Variants in CNTNAP2 observed in about 807,000 individuals in gnomAD.
CNTNAP2 encodes contactin associated protein 2.
Under a neutral mutation model 155.2 loss-of-function variants are expected in CNTNAP2, and 98 were observed. That is an observed-to-expected ratio of 0.63 (90% CI 0.54 to 0.75). CNTNAP2 has a LOEUF of 0.75. CNTNAP2 is among the 30% of genes least tolerant of loss of function. The pLI is 0.00. For synonymous variants in CNTNAP2, 651 were observed against 631.2 expected, an observed-to-expected ratio of 1.03 and a Z score of -0.47; for missense variants, 1,727 against 1,688.1, an observed-to-expected ratio of 1.02 and a Z score of -0.40.
intron 13 of CNTNAP2, among the ~76,000 whole-genome samples, chr7:147,665,420 T>C (rs12672896): frequency 0.14 from 22,001 of 152,252 alleles, 1,792 homozygotes; most frequent in Middle Eastern, 0.29. Context: ...ACTAGAAACA[T>C]TCTTGAATAT....
chr7:146,469,181 C>A (rs897522759), intron 1 of CNTNAP2, among the ~76,000 whole-genome samples: 1 of 152,148 alleles, frequency 6.6e-6, no homozygotes, highest in Admixed American at 6.6e-5. Flanking sequence ...CCTGTCGCCC[C>A]CTTTGGGGTT....
At chr7:146,354,421 T>G (rs556830277) in intron 1 of CNTNAP2, among the ~76,000 whole-genome samples, 1,642 of 150,932 alleles carry the variant, frequency 0.011, 32 homozygotes, top group African/African-American at 0.037. Context: ...ATTTTTTTTT[T>G]TTTTTTTGTT....
chr7:147,872,553 T>G (rs771171247), intron 13 of CNTNAP2, among the ~76,000 whole-genome samples: 39 of 152,240 alleles, frequency 2.6e-4, no homozygotes, highest in Non-Finnish European at 4.7e-4. Context: ...ATAAACATCA[T>G]GATAGATTCC....
chr7:147,719,476 T>A (rs1421893673), intron 13 of CNTNAP2, among the ~76,000 whole-genome samples: 1 of 152,094 alleles, frequency 6.6e-6, no homozygotes, highest in East Asian at 1.9e-4. Flanking sequence ...TCTGCCAGCT[T>A]CTGTACACAG....
intron 15 of CNTNAP2, among the ~76,000 whole-genome samples, chr7:148,008,460 C>T (rs1468367299): frequency 6.6e-6 from 1 of 152,122 alleles, no homozygotes. Flanking sequence ...GTAATTAGAA[C>T]CTGCTTCCTT....
At chr7:147,078,562 A>G (rs1800039749) in intron 4 of CNTNAP2, among the ~76,000 whole-genome samples, 1 of 152,004 alleles carries the variant, frequency 6.6e-6, no homozygotes. Flanking sequence ...TTTATCTCTT[A>G]ACAGACCTTG....
intron 14 of CNTNAP2, among the ~76,000 whole-genome samples, chr7:147,959,006 C>T (rs74719515): frequency 1.1e-4 from 16 of 152,256 alleles, no homozygotes; most frequent in African/African-American, 3.9e-4. Context: ...CAAAAAGGCT[C>T]CACTTTTTAT....
chr7:148,213,221 T>C (rs1795578871), intron 18 of CNTNAP2, among the ~76,000 whole-genome samples: 2 of 152,160 alleles, frequency 1.3e-5, no homozygotes, highest in African/African-American at 2.4e-5. Context: ...CCAGAACCCC[T>C]GAGCTAAATT....
chr7:148,364,911 A>G lies in CNTNAP2; in HGVS notation c.3476-18738A>G, dbSNP rs185172611. On this transcript the variant is annotated intron_variant, in intron 21 of 23. Transcript: ENST00000361727. ...GGTCCACGCTGCTTTTATGAGCTGT[A>G]ACACTCACCGCGAAGGTCTGCAGCT... 2.4e-3 allele frequency among the ~76,000 whole-genome samples: 363 copies of G among 152,286 alleles called. 4 individuals carry two copies. Among genetic ancestry groups the G allele is most frequent in the Non-Finnish European group, 2.3e-3 (155 of 68,028 alleles).
chr7:148,352,780 A>G (rs1798450622), intron 21 of CNTNAP2, among the ~76,000 whole-genome samples: 1 of 152,188 alleles, frequency 6.6e-6, no homozygotes, highest in African/African-American at 2.4e-5. Context: ...CCAGGACTGG[A>G]AGCCGCCACT....
chr7:146,792,115 C>T (rs1802685302), intron 2 of CNTNAP2, among the ~76,000 whole-genome samples: 1 of 152,158 alleles, frequency 6.6e-6, no homozygotes, highest in Non-Finnish European at 1.5e-5. Context: ...TGGAATGGTA[C>T]AGTGATTCAT....
chr7:148,260,798 G>A (rs953479434), intron 20 of CNTNAP2, among the ~76,000 whole-genome samples: 4 of 152,168 alleles, frequency 2.6e-5, no homozygotes, highest in African/African-American at 7.2e-5. Flanking sequence ...TTAAGTTGAC[G>A]TAGGAGAGAC....
At chr7:146,183,135 C>A (rs985226499) in intron 1 of CNTNAP2, among the ~76,000 whole-genome samples, 1 of 152,086 alleles carries the variant, frequency 6.6e-6, no homozygotes, top group African/African-American at 2.4e-5. Context: ...AAGCTTGATT[C>A]TGCTTTACTT....
At chr7:148,105,526 C>G (rs1366474620) in intron 15 of CNTNAP2, among the ~76,000 whole-genome samples, 1 of 152,082 alleles carries the variant, frequency 6.6e-6, no homozygotes, top group Non-Finnish European at 1.5e-5. Flanking sequence ...CTATTTGGAA[C>G]CGTTGGGATT....
rs57048980 is a variant in CNTNAP2 at position 147,252,727 on chromosome 7, TCA to T, written c.1349-47411_1349-47410del. Among the ~76,000 whole-genome samples the T allele has an allele frequency of 7.2e-3, 1,100 of 152,308 alleles. 8 individuals carry two copies. Among genetic ancestry groups the T allele is most frequent in the African/African-American group, 0.025 (1,046 of 41,566 alleles). The stretch of plus-strand genomic sequence containing the variant: ...ACTCATGGTAGATTGATTTATTCTG[TCA>T]CATATCTATCAAACATTTGCAGTTT... On this transcript the variant is annotated intron_variant, in intron 8 of 23. Coordinates refer to ENST00000361727, the MANE Select transcript of CNTNAP2 (RefSeq NM_014141.6).
chr7:147,696,151 G>A (rs1031473736), intron 13 of CNTNAP2, among the ~76,000 whole-genome samples: 1 of 152,018 alleles, frequency 6.6e-6, no homozygotes, highest in African/African-American at 2.4e-5. Context: ...TCTTTTAATT[G>A]GGGAATTTAG....
chr7:147,302,030 T>G (rs1012792919), intron 9 of CNTNAP2, among the ~76,000 whole-genome samples: 2 of 152,170 alleles, frequency 1.3e-5, no homozygotes, highest in Non-Finnish European at 2.9e-5. Context: ...TTTAAAAGAC[T>G]CTCAATAAAT....
chr7:147,899,110 C>A (rs1379372906), intron 13 of CNTNAP2, among the ~76,000 whole-genome samples: 1 of 152,258 alleles, frequency 6.6e-6, no homozygotes. Flanking sequence ...GAGGCAGAAG[C>A]AGGTGAATCA....
At chr7:146,993,958 T>C (rs1798257167) in intron 3 of CNTNAP2, among the ~76,000 whole-genome samples, 2 of 152,300 alleles carry the variant, frequency 1.3e-5, no homozygotes, top group South Asian at 4.1e-4. Flanking sequence ...AGCCAGAATG[T>C]GTCTGGCAGC....
Sources: gnomAD v4.1 joint callset for allele counts (sites outside exome capture counted in the v4.1 genomes callset) on GRCh38, gnomAD v4.1.1 for gene constraint, MANE v1.5 for transcripts, NCBI Gene and HGNC (gene_info 2026-07-23, HGNC 2026-07-21) for gene names.